Variants in SMARCAL1 observed in about 807,000 individuals in gnomAD.
SMARCAL1 encodes ATP-driven annealing helicase.
SMARCAL1 carries 58 observed loss-of-function variants against 94.5 expected under a neutral mutation model. The ratio of observed to expected loss-of-function variants is 0.61; its 90% confidence interval spans 0.50 to 0.76. The LOEUF (loss-of-function observed/expected upper bound fraction) is 0.76. Ranked by LOEUF, SMARCAL1 falls within the 30% of genes least tolerant of loss-of-function variation. SMARCAL1 has a pLI of 0.00. For synonymous variants in SMARCAL1, 422 were observed against 455.1 expected (o/e 0.93, Z 0.93); for missense variants, 1,051 against 1,177.9 (o/e 0.89, Z 1.58).
At chr2:216,461,899 T>G (rs1266729486) in intron 12 of SMARCAL1, among the ~76,000 whole-genome samples, 1 of 152,176 alleles carries the variant, frequency 6.6e-6, no homozygotes, top group South Asian at 2.1e-4. Flanking sequence ...ATAATTTTGC[T>G]AATCGTTTTG....
chr2:216,451,121 A>G, intron 12 of SMARCAL1, 57 bp downstream of exon 12: 1 of 1,390,168 alleles, frequency 7.2e-7, no homozygotes, highest in African/African-American at 1.4e-5. Flanking sequence ...GTTCCTTTCC[A>G]TGAGAGGCCC....
intron 3 of SMARCAL1, 23 bp downstream of exon 3, chr2:216,415,538 G>GTTTTTTTTTTTTTTTTT (rs5838583): frequency 7.9e-6 from 11 of 1,399,874 alleles, no homozygotes; most frequent in East Asian, 2.3e-5. Flanking sequence ...TTTTTCAGCT[G>GTTTTTTTTTTTTTTTTT]TTTTTTTTTT....
chr2:216,417,222 C>A (rs1483050455), intron 4 of SMARCAL1, among the ~76,000 whole-genome samples: 1 of 152,230 alleles, frequency 6.6e-6, no homozygotes, highest in Non-Finnish European at 1.5e-5. Flanking sequence ...TGCAGAATTT[C>A]CTGGTTTTCT....
chr2:216,455,269 T>C (rs1694539339), intron 12 of SMARCAL1, among the ~76,000 whole-genome samples: 2 of 152,224 alleles, frequency 1.3e-5, no homozygotes, highest in African/African-American at 4.8e-5. Context: ...ACTCCACCTC[T>C]GGAGGCAGGG....
chr2:216,482,037 A>G lies in SMARCAL1; in HGVS notation c.2626-701A>G, dbSNP rs1695212830. ...GATGCAGTTGGTGGGTATTTTGATT[A>G]TTTGTAATTTAAGGTAATCAGAATA... On this transcript the variant is annotated intron_variant, in intron 17 of 17. Coordinates refer to ENST00000357276, the MANE Select transcript of SMARCAL1 (RefSeq NM_014140.4). This position sits in a 1 kb window ranked among gnomAD's most constrained non-coding sequence, Gnocchi z 4.3. 6.6e-6 allele frequency among the ~76,000 whole-genome samples: 1 copy of G among 152,198 alleles called. No individual in the cohort carries two copies. Among genetic ancestry groups the G allele is most frequent in the Non-Finnish European group, 1.5e-5 (1 of 68,048 alleles).
At chr2:216,457,555 A>G (rs1241996215) in intron 12 of SMARCAL1, among the ~76,000 whole-genome samples, 1 of 152,252 alleles carries the variant, frequency 6.6e-6, no homozygotes. Context: ...GCTCAACTAC[A>G]TGGAAACTGA....
At chr2:216,451,611 G>T (rs1694452704) in intron 12 of SMARCAL1, 1 of 166,748 alleles carries the variant, frequency 6.0e-6, no homozygotes, top group Non-Finnish European at 1.3e-5. Flanking sequence ...GAGGGAAACT[G>T]AGGCTCACAG....
intron 6 of SMARCAL1, among the ~76,000 whole-genome samples, chr2:216,424,340 A>G (rs1693785923): frequency 6.6e-6 from 1 of 152,262 alleles, no homozygotes; most frequent in East Asian, 1.9e-4. Flanking sequence ...ATATGGTCAT[A>G]TCTCAGACTG....
At position 216,468,028 on chromosome 2, in the gene SMARCAL1, G is replaced by T. The variant is rs2271335; in HGVS notation, c.2226G>T (p.Thr742=). 6.2e-6 allele frequency: 10 copies of T among 1,612,476 alleles called. No individual in the cohort carries two copies. In the Admixed American group the frequency reaches 1.0e-4, roughly 16 times the overall value. ...ATAAGGTGGTCCTGGACGCAATTAC[G>T]CAAGAGCTTGAGAGAAAGGTGAGCT... ...AHHKVVLDAI[T]QELERKHVQH... is the part of the protein sequence containing the mutation. Residue 742 remains threonine, a synonymous_variant, in exon 14 of 18, where the codon ACG becomes ACT. Transcript: ENST00000357276.
At chr2:216,436,584 T>C (rs1402161498) in intron 9 of SMARCAL1, among the ~76,000 whole-genome samples, 2 of 152,224 alleles carry the variant, frequency 1.3e-5, no homozygotes, top group Non-Finnish European at 2.9e-5. Flanking sequence ...CAAAGTGATA[T>C]AGGTAATGAG....
Position 216,415,240 on chromosome 2 carries a change from A to T in SMARCAL1, c.536A>T (p.His179Leu). 6.2e-7 allele frequency: 1 copy of T among 1,613,906 alleles called. No individual in the cohort carries two copies. Among genetic ancestry groups the T allele is most frequent in the Non-Finnish European group, 8.5e-7 (1 of 1,179,720 alleles). ...KPKSSQETPA[H>L]SSGQPPRDAK... is the part of the protein sequence containing the mutation. ...AAGAGTTCCCAAGAGACACCAGCTC[A>T]TTCCTCTGGACAGCCTCCCAGGGAT... The change falls in exon 3 of 18, where the codon CAT becomes CTT. Residue 179 changes from histidine (H) to leucine (L), a missense_variant. Physicochemically the swap from His to Leu is moderately conservative, Grantham distance 99. Around this residue, in one of 3 missense-constraint regions of SMARCAL1, gnomAD observed 398 missense variants for 395.2 expected, o/e 1.01. Transcript: ENST00000357276.
rs185075482 is a variant in SMARCAL1 at position 216,477,203 on chromosome 2, A to G, written c.2522A>G (p.Tyr841Cys). 3.1e-6 allele frequency: 5 copies of G among 1,590,724 alleles called. No individual in the cohort carries two copies. The South Asian group carries it at 4.6e-5, about 15-fold the overall frequency. ...YLVAKGTADD[Y>C]LWPLIQEKIK... ...GTGGCAAAGGGCACAGCTGATGACT[A>G]CCTTTGGTATGGCTTGGTTGGGTGG... Residue 841 changes from tyrosine (Y) to cysteine (C), a missense_variant, in exon 16 of 18, where the codon TAC becomes TGC. By Grantham distance (194) the Tyr-to-Cys change is radical. Coordinates refer to ENST00000357276, the MANE Select transcript of SMARCAL1 (RefSeq NM_014140.4).
intron 14 of SMARCAL1, among the ~76,000 whole-genome samples, chr2:216,474,094 T>C (rs1289559359): frequency 1.3e-5 from 2 of 151,286 alleles, no homozygotes; most frequent in African/African-American, 4.9e-5. Flanking sequence ...AAAGGTTATA[T>C]GCTGTGCAAT....
chr2:216,424,281 T>C (rs1693784705), intron 6 of SMARCAL1, among the ~76,000 whole-genome samples: 1 of 152,212 alleles, frequency 6.6e-6, no homozygotes, highest in Non-Finnish European at 1.5e-5. Flanking sequence ...TTCTTCTCTG[T>C]GTTTTGCTTA....
chr2:216,467,288 T>C (rs1694848225), intron 13 of SMARCAL1, among the ~76,000 whole-genome samples: 1 of 152,060 alleles, frequency 6.6e-6, no homozygotes. Flanking sequence ...CTGGCCAACA[T>C]GGTGAAACCC....
chr2:216,419,886 C>T lies in SMARCAL1; in HGVS notation c.863-413C>T, dbSNP rs567814527. On this transcript the variant is annotated intron_variant, in intron 4 of 17. Coordinates refer to ENST00000357276, the MANE Select transcript of SMARCAL1 (RefSeq NM_014140.4). ...CTCTACAAAAAATACGAAAACTAAC[C>T]GCATGTGGTGGTGCACGCCTGTAGT... Among the ~76,000 whole-genome samples, 133 of 151,526 alleles carry T rather than the reference C, an allele frequency of 8.8e-4. 1 individual carries two copies. Among genetic ancestry groups the T allele is most frequent in the Non-Finnish European group, 1.0e-3 (69 of 67,838 alleles).
At chr2:216,432,172 C>G (rs1385669581) in intron 7 of SMARCAL1, among the ~76,000 whole-genome samples, 1 of 152,126 alleles carries the variant, frequency 6.6e-6, no homozygotes, top group African/African-American at 2.4e-5. Context: ...CGGGCATGTG[C>G]CTGTAGAGAT....
chr2:216,447,174 T>TTCCCA lies in SMARCAL1; in HGVS notation c.1851+16_1851+17insTCCCA. 1 of 1,579,320 alleles carries TTCCCA rather than the reference T, an allele frequency of 6.3e-7. No individual in the cohort carries two copies. The highest frequency in any genetic ancestry group is 8.7e-7 in the Non-Finnish European group (1 of 1,150,208). ...TGCCAAACGGGTATGTATTATCTCT[T>TTCCCA]CCCTCCCAGCCCACCCATTTCTCAC... On this transcript the variant is annotated intron_variant, in intron 11 of 17. Coordinates refer to ENST00000357276, the MANE Select transcript of SMARCAL1 (RefSeq NM_014140.4).
rs1693542194 is a variant in SMARCAL1, at chr2:216,414,544, C to T, written c.-58-103C>T. The T allele has an allele frequency of 4.4e-6, 3 of 679,260 alleles. No homozygotes were observed. In the African/African-American group the frequency reaches 5.4e-5, roughly 12 times the overall value. 42.1% of individuals were successfully genotyped at this position (679,260 alleles called of 1,614,324 possible). A position where few individuals can be genotyped will look rare whatever the true frequency, so the allele number is the denominator to read the frequency against. The stretch of plus-strand genomic sequence containing the variant: ...AACTTTAATACATCCTTTAGTTGTG[C>T]TCATTATGCATTTTCTGGGACAAAA... On this transcript the variant is annotated intron_variant, in intron 2 of 17. Transcript: ENST00000357276.
Sources: allele counts gnomAD v4.1 joint callset (sites outside exome capture counted in the v4.1 genomes callset), GRCh38; gene constraint gnomAD v4.1.1; regional missense constraint gnomAD v4.1.1; non-coding constraint Gnocchi (gnomAD v3.1); transcripts MANE v1.5; gene names NCBI Gene and HGNC (gene_info 2026-07-23, HGNC 2026-07-21).